ASAP3: variants seen among roughly 807,000 people sequenced by gnomAD.
ASAP3 encodes ArfGAP with SH3 domain, ankyrin repeat and PH domain 3.
ASAP3 carries 85 observed loss-of-function variants against 118.2 expected under a neutral mutation model. The ratio of observed to expected loss-of-function variants is 0.72; its 90% CI spans 0.60 to 0.86. The LOEUF is 0.86. Ranked by LOEUF, ASAP3 falls within the 40% of genes least tolerant of loss-of-function variation. ASAP3 has a pLI of 0.00. For synonymous variants in ASAP3, 432 were observed against 477.4 expected (o/e 0.90, Z 1.24); for missense variants, 1,026 against 1,175.0 (o/e 0.87, Z 1.85).
chr1:23,480,009 A>T (rs376697538), intron 1 of ASAP3: 2 of 151,936 alleles, frequency 1.3e-5, no homozygotes, highest in African/African-American at 4.8e-5. Flanking sequence ...CCCCAACCCT[A>T]CAAAAAATAC....
intron 1 of ASAP3, among the ~76,000 whole-genome samples, chr1:23,463,781 G>C (rs1641670652): frequency 6.6e-6 from 1 of 151,752 alleles, no homozygotes; most frequent in African/African-American, 2.4e-5. Flanking sequence ...TTTATCTTTA[G>C]TAGAGACGGG....
At chr1:23,443,230 G>C (rs1365121181) in intron 5 of ASAP3, among the ~76,000 whole-genome samples, 2 of 152,144 alleles carry the variant, frequency 1.3e-5, no homozygotes, top group Non-Finnish European at 2.9e-5. Context: ...ATAGATTCAG[G>C]GGGTACAAGT....
chr1:23,476,615 T>C (rs1421128269), intron 1 of ASAP3, among the ~76,000 whole-genome samples: 1 of 152,234 alleles, frequency 6.6e-6, no homozygotes, highest in Admixed American at 6.5e-5. Flanking sequence ...AACTGGATTA[T>C]GCTGCTTGCC....
intron 5 of ASAP3, among the ~76,000 whole-genome samples, 191 bp downstream of exon 5, chr1:23,451,288 T>A (rs766367719): frequency 6.6e-6 from 1 of 152,062 alleles, no homozygotes; most frequent in Admixed American, 6.5e-5. Flanking sequence ...TCACAATAGC[T>A]CCTTTGGTGG....
chr1:23,429,740 G>T lies in ASAP3; in HGVS notation c.*116C>A. The stretch of plus-strand genomic sequence containing the variant: ...AGAAGGCCAGCTACAGAGGCACAAG[G>T]GACAGAGAGAGTGAGATCCAAGAGA... On this transcript the variant is annotated 3_prime_UTR_variant, in exon 25 of 25. Transcript: ENST00000336689. 1 of 1,060,784 alleles carries T rather than the reference G, an allele frequency of 9.4e-7. No individual in the cohort carries two copies. The highest frequency in any genetic ancestry group is 1.4e-6 in the Non-Finnish European group (1 of 732,430). 65.7% of individuals were successfully genotyped at this position (1,060,784 alleles called of 1,614,324 possible). A position where few individuals can be genotyped will look rare whatever the true frequency, so the allele number is the denominator to read the frequency against.
intron 17 of ASAP3, among the ~76,000 whole-genome samples, chr1:23,435,283 C>T (rs1242750691): frequency 1.3e-5 from 2 of 152,218 alleles, no homozygotes; most frequent in African/African-American, 4.8e-5. Flanking sequence ...TTCACTTTGG[C>T]CTCCCAAAGT....
At position 23,469,644 on chromosome 1, in the gene ASAP3, A is replaced by G. The variant is rs560443330; in HGVS notation, c.130-13450T>C. On this transcript the variant is annotated intron_variant, in intron 1 of 24. Transcript: ENST00000336689. ...CTCCCAGCTTGAGTCTATTATTAGC[A>G]TGAATTCAACTACCTATCGCCCCAC... Among the ~76,000 whole-genome samples, 7 of 152,302 alleles carry G rather than the reference A, an allele frequency of 4.6e-5. No individual in the cohort carries two copies. In the South Asian group the frequency reaches 1.5e-3, roughly 32 times the overall value.
rs1403143732 is a variant in ASAP3 at position 23,438,670 on chromosome 1, GC to G, written c.1102+76del. ...AACTGGACACAGACCCCTCACTGAA[GC>G]CCCCCGGGAGCTGACAGGTGTCTTA... On this transcript the variant is annotated intron_variant, in intron 12 of 24. Coordinates refer to ENST00000336689, the MANE Select transcript of ASAP3 (RefSeq NM_017707.4). This position sits in a 1 kb window ranked among gnomAD's most constrained non-coding sequence, Gnocchi z 4.9. The G allele has an allele frequency of 2.4e-5, 32 of 1,344,240 alleles. No homozygotes were observed. Among genetic ancestry groups the G allele is most frequent in the Non-Finnish European group, 3.2e-5 (30 of 946,628 alleles). 83.3% of individuals were successfully genotyped at this position (1,344,240 alleles called of 1,614,324 possible).
intron 1 of ASAP3, among the ~76,000 whole-genome samples, chr1:23,463,635 CCT>C (rs1447143020): frequency 1.3e-5 from 2 of 151,970 alleles, no homozygotes; most frequent in African/African-American, 2.4e-5. Context: ...GGAATCTCGC[CCT>C]GTTGCCCAGC....
chr1:23,430,912 G>A, intron 24 of ASAP3, 123 bp downstream of exon 24: 1 of 935,490 alleles, frequency 1.1e-6, no homozygotes, highest in East Asian at 2.8e-5. Flanking sequence ...AACTGTGGCT[G>A]CCTGGGCCCA....
At chr1:23,433,604 C>G (rs935655264) in intron 20 of ASAP3, 22 bp downstream of exon 20, 1 of 1,614,194 alleles carries the variant, frequency 6.2e-7, no homozygotes, top group Non-Finnish European at 8.5e-7. Context: ...GTCAGGGGCC[C>G]CTTGCCTCCC....
Position 23,442,499 on chromosome 1 carries a change from A to C in ASAP3, c.585+2T>G. On this transcript the variant is annotated splice_donor_variant, in intron 6 of 24. Transcript: ENST00000336689. LOFTEE classifies it high-confidence loss of function. ...CCCTCCCTCATCCAGAGCACCCCTTACCTCACACATGTGCAGCTGGAAGAT... is the reference window on the plus strand; with the variant it reads ...CCCTCCCTCATCCAGAGCACCCCTTCCCTCACACATGTGCAGCTGGAAGAT... 6.2e-7 allele frequency: 1 copy of C among 1,612,896 alleles called. No homozygotes were observed. The highest frequency in any genetic ancestry group is 8.5e-7 in the Non-Finnish European group (1 of 1,179,530).
intron 1 of ASAP3, among the ~76,000 whole-genome samples, chr1:23,456,453 A>T (rs1039168091): frequency 6.6e-6 from 1 of 152,170 alleles, no homozygotes; most frequent in African/African-American, 2.4e-5. Context: ...GCGTAAATGT[A>T]GTGAGTCAAA....
chr1:23,449,594 C>T (rs72867721), intron 5 of ASAP3, among the ~76,000 whole-genome samples: 3 of 152,108 alleles, frequency 2.0e-5, no homozygotes, highest in Admixed American at 6.5e-5. Context: ...ACCTGGAGCC[C>T]GTATGAAAAG....
rs1277307525 is a variant in ASAP3 at position 23,429,860 on chromosome 1, T to C, written c.2708A>G (p.Asp903Gly). 2 of 1,613,626 alleles carry C rather than the reference T, an allele frequency of 1.2e-6. No homozygotes were observed. The highest frequency in any genetic ancestry group is 1.7e-6 in the Non-Finnish European group (2 of 1,179,770). ...LPASSVQLLQD is the reference protein window; with the variant it reads ...LPASSVQLLQG ...CATGTGGGGGCCAGCAAGGAGCTAG[T>C]CTTGCAAAAGTTGCACAGAACTTGC... Residue 903 changes from aspartate to glycine, a missense_variant, in exon 25 of 25, where the codon GAC (aspartate) becomes GGC (glycine). Coordinates refer to ENST00000336689, the MANE Select transcript of ASAP3 (RefSeq NM_017707.4).
intron 1 of ASAP3, among the ~76,000 whole-genome samples, chr1:23,473,972 CTCTT>C (rs1478329878): frequency 8.2e-5 from 7 of 85,612 alleles, no homozygotes; most frequent in Admixed American, 1.6e-4. Flanking sequence ...ATTAAATCTG[CTCTT>C]TTTTTTTTTT....
intron 1 of ASAP3, among the ~76,000 whole-genome samples, chr1:23,463,036 G>A (rs1217473552): frequency 6.6e-6 from 1 of 152,170 alleles, no homozygotes; most frequent in Non-Finnish European, 1.5e-5. Flanking sequence ...GTAAAAAATG[G>A]TAGGACTGCC....
intron 5 of ASAP3, among the ~76,000 whole-genome samples, chr1:23,449,456 G>T (rs1399113376): frequency 2.0e-5 from 3 of 152,206 alleles, no homozygotes; most frequent in Non-Finnish European, 2.9e-5. Context: ...ACAGCCAGGG[G>T]TGAAGCTCCC....
intron 4 of ASAP3, among the ~76,000 whole-genome samples, chr1:23,452,237 T>C (rs764221936): frequency 1.3e-5 from 2 of 152,166 alleles, no homozygotes; most frequent in Non-Finnish European, 2.9e-5. Flanking sequence ...CTGGGGCAGA[T>C]TGCCCAGAGA....
Sources: gnomAD v4.1 joint callset for allele counts (sites outside exome capture counted in the v4.1 genomes callset) on GRCh38, gnomAD v4.1.1 for gene constraint, Gnocchi (gnomAD v3.1) non-coding constraint, MANE v1.5 for transcripts, NCBI Gene and HGNC (gene_info 2026-07-23, HGNC 2026-07-21) for gene names.